The following TRPC4 variants were observed in gnomAD, a reference collection of about 807,000 sequenced individuals.
TRPC4 encodes the protein short transient receptor potential channel 4.
In TRPC4, 49 loss-of-function variants were observed where a neutral mutation model predicts 99.4. That is an observed-to-expected ratio of 0.49 (90% confidence interval 0.39 to 0.63). The LOEUF is 0.63. Ranked by LOEUF, TRPC4 falls within the 20% of genes least tolerant of loss-of-function variation. The pLI is 0.00. For synonymous variants in TRPC4, 454 were observed against 425.9 expected (o/e 1.07, Z -0.81); for missense variants, 898 against 1,152.9 (o/e 0.78, Z 3.20).
intron 3 of TRPC4, among the ~76,000 whole-genome samples, chr13:37,718,875 A>G (rs1876186911): frequency 6.6e-6 from 1 of 152,168 alleles, no homozygotes; most frequent in Non-Finnish European, 1.5e-5. Flanking sequence ...ATAATGGCAT[A>G]AAGTTTCCTC....
At chr13:37,764,814 T>C (rs1956317672) in intron 2 of TRPC4, among the ~76,000 whole-genome samples, 1 of 18,830 alleles carries the variant, frequency 5.3e-5, no homozygotes, top group Admixed American at 4.3e-4. Context: ...TATCAAATGC[T>C]TTTTTTTTTT....
intron 1 of TRPC4, among the ~76,000 whole-genome samples, chr13:37,852,027 C>T (rs536909268): frequency 6.2e-4 from 94 of 152,262 alleles, no homozygotes; most frequent in Middle Eastern, 6.8e-3. Flanking sequence ...GGCCAAAGTG[C>T]TCTGGGGTCC....
chr13:37,835,991 T>C (rs1241754954), intron 1 of TRPC4, among the ~76,000 whole-genome samples: 8 of 150,890 alleles, frequency 5.3e-5, no homozygotes, highest in Admixed American at 2.7e-4. Flanking sequence ...TGGGAGGTAA[T>C]TGAATCATGG....
intron 1 of TRPC4, among the ~76,000 whole-genome samples, chr13:37,818,661 T>A (rs865905598): frequency 8.5e-5 from 13 of 152,090 alleles, no homozygotes; most frequent in South Asian, 2.1e-4. Context: ...GGGACATGGA[T>A]GAAGCTGGAA....
intron 1 of TRPC4, among the ~76,000 whole-genome samples, chr13:37,798,750 G>A (rs190808389): frequency 2.0e-5 from 3 of 152,126 alleles, no homozygotes; most frequent in East Asian, 1.9e-4. Flanking sequence ...ATAAGTGTTT[G>A]GAAGTAAAAT....
intron 2 of TRPC4, among the ~76,000 whole-genome samples, chr13:37,771,750 T>C (rs1175135143): frequency 6.6e-6 from 1 of 151,668 alleles, no homozygotes; most frequent in Non-Finnish European, 1.5e-5. Flanking sequence ...GCACATACCA[T>C]GTATTAGGAA....
chr13:37,832,422 C>T (rs1330768811), intron 1 of TRPC4, among the ~76,000 whole-genome samples: 3 of 151,996 alleles, frequency 2.0e-5, no homozygotes, highest in Non-Finnish European at 2.9e-5. Context: ...ACCTGTAGCC[C>T]CAGCTACTCA....
At chr13:37,822,026 C>G (rs1040100860) in intron 1 of TRPC4, among the ~76,000 whole-genome samples, 5 of 151,978 alleles carry the variant, frequency 3.3e-5, no homozygotes, top group Non-Finnish European at 7.4e-5. Context: ...AACAGACAAC[C>G]TACAGAATGG....
At chr13:37,710,692 G>T (rs1954454378) in intron 3 of TRPC4, among the ~76,000 whole-genome samples, 1 of 151,744 alleles carries the variant, frequency 6.6e-6, no homozygotes, top group African/African-American at 2.4e-5. Flanking sequence ...CCCTTATTCT[G>T]TTCAAAAAAA....
chr13:37,834,515 G>T (rs184000699), intron 1 of TRPC4, among the ~76,000 whole-genome samples: 74 of 152,252 alleles, frequency 4.9e-4, no homozygotes, highest in Middle Eastern at 3.4e-3. Flanking sequence ...ACAAACACTT[G>T]TCACATTGAA....
At chr13:37,756,185 CAT>C (rs1192005106) in intron 2 of TRPC4, among the ~76,000 whole-genome samples, 2 of 152,118 alleles carry the variant, frequency 1.3e-5, no homozygotes, top group African/African-American at 4.8e-5. Context: ...TGCACACACA[CAT>C]ACATACACAC....
chr13:37,754,458 T>A (rs957195491), intron 2 of TRPC4, among the ~76,000 whole-genome samples: 1 of 152,110 alleles, frequency 6.6e-6, no homozygotes, highest in Non-Finnish European at 1.5e-5. Context: ...TTTGCTCAAG[T>A]AAAATCTATA....
intron 1 of TRPC4, among the ~76,000 whole-genome samples, chr13:37,810,723 C>G (rs1448986408): frequency 6.6e-6 from 1 of 151,998 alleles, no homozygotes; most frequent in Non-Finnish European, 1.5e-5. Context: ...GTGGGATGCT[C>G]TTTGGTAATA....
intron 3 of TRPC4, among the ~76,000 whole-genome samples, chr13:37,714,114 C>T (rs913281773): frequency 3.3e-4 from 49 of 149,782 alleles, no homozygotes; most frequent in East Asian, 1.2e-3. Context: ...TTTTCTCTTT[C>T]GCTCTCTCTC....
At chr13:37,639,744 C>CATATATAT (rs59528300) in intron 8 of TRPC4, among the ~76,000 whole-genome samples, 2,546 of 146,782 alleles carry the variant, frequency 0.017, 57 homozygotes, top group African/African-American at 0.05. Flanking sequence ...ACTCTCCAAT[C>CATATATAT]ATATATATAT....
At chr13:37,730,951 G>A (rs184038894) in intron 3 of TRPC4, among the ~76,000 whole-genome samples, 2 of 151,928 alleles carry the variant, frequency 1.3e-5, no homozygotes, top group East Asian at 3.9e-4. Context: ...TTTCATACAG[G>A]CCAAAAATGC....
intron 2 of TRPC4, among the ~76,000 whole-genome samples, chr13:37,753,573 G>A (rs1280597827): frequency 8.3e-6 from 1 of 120,280 alleles, no homozygotes; most frequent in Admixed American, 8.7e-5. Flanking sequence ...GAGAGAGAGA[G>A]AAAGAGAGAG....
chr13:37,816,075 A>T (rs1566192044), intron 1 of TRPC4, among the ~76,000 whole-genome samples: 1 of 151,922 alleles, frequency 6.6e-6, no homozygotes, highest in Admixed American at 6.6e-5. Flanking sequence ...AAAATACAAC[A>T]TATCAGAATT....
intron 3 of TRPC4, among the ~76,000 whole-genome samples, chr13:37,702,272 T>C (rs970622189): frequency 3.3e-5 from 5 of 152,210 alleles, no homozygotes; most frequent in Non-Finnish European, 7.3e-5. Flanking sequence ...ATGATCTGTT[T>C]CCAAATAAAG....
Sources: allele counts gnomAD v4.1 joint callset (sites outside exome capture counted in the v4.1 genomes callset), GRCh38; gene constraint gnomAD v4.1.1; transcripts MANE v1.5; gene names NCBI Gene and HGNC (gene_info 2026-07-23, HGNC 2026-07-21).